KCNQ5: variants seen among roughly 807,000 people sequenced by gnomAD.
The protein encoded by KCNQ5 is potassium voltage-gated channel subfamily Q member 5.
Under a neutral mutation model 98.2 loss-of-function variants are expected in KCNQ5, and 30 were observed. The ratio of observed to expected loss-of-function variants is 0.31; its 90% CI spans 0.23 to 0.41. The LOEUF is 0.41. KCNQ5 is among the 10% of genes least tolerant of loss of function. The pLI, the probability that KCNQ5 is intolerant of heterozygous loss-of-function variation, is 1.00. For missense variants in KCNQ5, 835 were observed against 1,182.5 expected (o/e 0.71, Z 4.31); for synonymous variants, 458 against 449.4 (o/e 1.02, Z -0.24).
At chr6:72,744,582 G>A (rs1268760678) in intron 1 of KCNQ5, among the ~76,000 whole-genome samples, 1 of 152,092 alleles carries the variant, frequency 6.6e-6, no homozygotes, top group Admixed American at 6.5e-5. Flanking sequence ...AGGCCAAGGT[G>A]GGCGGATCAC....
intron 1 of KCNQ5, among the ~76,000 whole-genome samples, chr6:72,906,190 G>A (rs1208647194): frequency 6.6e-6 from 1 of 152,108 alleles, no homozygotes; most frequent in Non-Finnish European, 1.5e-5. Context: ...AAAGCCTGCT[G>A]TCACAGTCCT....
intron 1 of KCNQ5, among the ~76,000 whole-genome samples, chr6:72,731,133 A>G (rs1169514317): frequency 6.6e-6 from 1 of 152,210 alleles, no homozygotes; most frequent in Admixed American, 6.5e-5. Context: ...ACAGATTAGA[A>G]GAAACAGATA....
At chr6:73,188,458 G>C (rs1765463212) in intron 11 of KCNQ5, among the ~76,000 whole-genome samples, 1 of 152,138 alleles carries the variant, frequency 6.6e-6, no homozygotes, top group Non-Finnish European at 1.5e-5. Flanking sequence ...GTCATCATTA[G>C]CTACTTTGAA....
chr6:73,009,353 CA>C, intron 2 of KCNQ5, among the ~76,000 whole-genome samples: 1 of 151,898 alleles, frequency 6.6e-6, no homozygotes. Context: ...TTAATGAAAA[CA>C]AAACGCAACC....
At chr6:73,073,381 G>GTCAT (rs752092012) in intron 3 of KCNQ5, among the ~76,000 whole-genome samples, 30 of 152,314 alleles carry the variant, frequency 2.0e-4, no homozygotes, top group Non-Finnish European at 2.9e-4. Context: ...TTGGGGCTGA[G>GTCAT]TCATTCTTTG....
At chr6:73,087,597 G>T (rs1162194265) in intron 5 of KCNQ5, among the ~76,000 whole-genome samples, 3 of 151,878 alleles carry the variant, frequency 2.0e-5, no homozygotes, top group Non-Finnish European at 2.9e-5. Context: ...CACCTGGAAA[G>T]AGAGAAAAAA....
At position 73,001,866 on chromosome 6, in the gene KCNQ5, C is replaced by A. The variant is rs537831202; in HGVS notation, c.399-2042C>A. Among the ~76,000 whole-genome samples the A allele has an allele frequency of 5.9e-5, 9 of 152,156 alleles. No homozygotes were observed. In the East Asian group the frequency reaches 1.7e-3, roughly 29 times the overall value. ...GCATGAATCAAAAGTAGGATGATGC[C>A]AGACACACTTTGGGAGGCTGAGGTG... On this transcript the variant is annotated intron_variant, in intron 1 of 13. Transcript: ENST00000370398.
chr6:72,779,823 G>C (rs1438511220), intron 1 of KCNQ5, among the ~76,000 whole-genome samples: 2 of 402 alleles, frequency 5.0e-3, no homozygotes, highest in African/African-American at 0.056. Flanking sequence ...TTAATTTTCT[G>C]TGTGTGTGTG....
chr6:72,925,869 A>C (rs1765397139), intron 1 of KCNQ5, among the ~76,000 whole-genome samples: 1 of 152,184 alleles, frequency 6.6e-6, no homozygotes, highest in South Asian at 2.1e-4. Flanking sequence ...CATTAATTGT[A>C]GAGAATTTTG....
intron 1 of KCNQ5, among the ~76,000 whole-genome samples, chr6:72,854,773 T>TGC (rs1562026595): frequency 6.9e-6 from 1 of 145,980 alleles, no homozygotes; most frequent in Non-Finnish European, 1.5e-5. Flanking sequence ...TGTGTGTGTG[T>TGC]GTGTGTGTGT....
chr6:73,102,752 C>A (rs945675592), intron 5 of KCNQ5, among the ~76,000 whole-genome samples: 1 of 151,814 alleles, frequency 6.6e-6, no homozygotes, highest in African/African-American at 2.4e-5. Context: ...TGGAGACAGG[C>A]AATAACAAAT....
Position 73,077,471 on chromosome 6 carries a change from G to A in KCNQ5, c.766G>A (p.Gly256Ser). 6.2e-7 allele frequency: 1 copy of A among 1,613,872 alleles called. No individual in the cohort carries two copies. Among genetic ancestry groups the A allele is most frequent in the South Asian group, 1.1e-5 (1 of 90,986 alleles). Reference protein sequence around the residue: ...DRRGGTWKLLGSVVYAHSKEL... With the variant: ...DRRGGTWKLLSSVVYAHSKEL... ...AAGGGGAGGCACTTGGAAATTACTG[G>A]GTTCAGTGGTTTATGCTCACAGCAA... The change falls in exon 4 of 14, where the codon GGT becomes AGT. Residue 256 changes from glycine to serine, a missense_variant. Around this residue, in one of 10 missense-constraint regions of KCNQ5, gnomAD observed 30 missense variants for 132.9 expected, o/e 0.23. Coordinates refer to ENST00000370398, the MANE Select transcript of KCNQ5 (RefSeq NM_019842.4).
chr6:72,730,751 T>G (rs894478377), intron 1 of KCNQ5, among the ~76,000 whole-genome samples: 4 of 152,222 alleles, frequency 2.6e-5, no homozygotes, highest in African/African-American at 9.6e-5. Context: ...TTACTCATTC[T>G]TCATTACACT....
At position 73,192,536 on chromosome 6, in the gene KCNQ5, C is replaced by T. The variant is rs780875252; in HGVS notation, c.1710-29C>T. On this transcript the variant is annotated intron_variant, in intron 12 of 13. Coordinates refer to ENST00000370398, the MANE Select transcript of KCNQ5 (RefSeq NM_019842.4). ...TAGGGCAATCTCCACCTTCAGCCCTCATAATCAGATCTCCTCTTTCTCTGA... is the reference window on the plus strand; with the variant it reads ...TAGGGCAATCTCCACCTTCAGCCCTTATAATCAGATCTCCTCTTTCTCTGA... 7.6e-6 allele frequency: 12 copies of T among 1,585,114 alleles called. No individual in the cohort carries two copies. The Admixed American group carries it at 2.0e-4, about 26-fold the overall frequency.
At chr6:73,130,132 A>C (rs1776166572) in intron 9 of KCNQ5, among the ~76,000 whole-genome samples, 2 of 152,212 alleles carry the variant, frequency 1.3e-5, no homozygotes, top group Non-Finnish European at 2.9e-5. Context: ...TGCTGCACGC[A>C]CTGGATTGTT....
intron 1 of KCNQ5, chr6:72,678,387 A>T (rs1767525093): frequency 6.6e-6 from 1 of 152,126 alleles, no homozygotes; most frequent in African/African-American, 2.4e-5. Context: ...AGATCAAGAA[A>T]CTTTCTCCAG....
At chr6:72,765,555 T>A (rs76063795) in intron 1 of KCNQ5, among the ~76,000 whole-genome samples, 8,585 of 151,924 alleles carry the variant, frequency 0.057, 531 homozygotes, top group African/African-American at 0.15. Context: ...GGACCAGATA[T>A]TATCAAAAAA....
intron 1 of KCNQ5, among the ~76,000 whole-genome samples, chr6:72,870,721 C>T (rs1218159466): frequency 6.6e-6 from 1 of 152,074 alleles, no homozygotes; most frequent in Non-Finnish European, 1.5e-5. Flanking sequence ...TATTTGAATG[C>T]CTATATTATT....
rs1260919632 is a variant in KCNQ5, at chr6:73,179,671, CAAG to C, written c.1577+9818_1577+9820del. 4.0e-5 allele frequency among the ~76,000 whole-genome samples: 6 copies of C among 150,846 alleles called. No individual in the cohort carries two copies. In the Admixed American group the frequency reaches 4.0e-4, roughly 10 times the overall value. ...CCCACAAACATAAGATCTGCAATCA[CAAG>C]GGGGCCATTCAGCAACCTTCAGAAA... On this transcript the variant is annotated intron_variant, in intron 11 of 13. Transcript: ENST00000370398.
Sources: gnomAD v4.1 joint callset for allele counts (sites outside exome capture counted in the v4.1 genomes callset) on GRCh38, gnomAD v4.1.1 for gene constraint, gnomAD v4.1.1 regional missense constraint, MANE v1.5 for transcripts, NCBI Gene and HGNC (gene_info 2026-07-23, HGNC 2026-07-21) for gene names.